PPM1F: variants seen among roughly 807,000 people sequenced by gnomAD.
The protein encoded by PPM1F is protein phosphatase 1F.
Under a neutral mutation model 35.5 loss-of-function variants are expected in PPM1F, and 17 were observed. That is an observed-to-expected ratio of 0.48 (90% CI 0.33 to 0.72). The LOEUF (loss-of-function observed/expected upper bound fraction) is 0.72. PPM1F is among the 30% of genes least tolerant of loss of function. The pLI, the probability that PPM1F is intolerant of heterozygous loss-of-function variation, is 0.02. For synonymous variants in PPM1F, 241 were observed against 255.5 expected, an observed-to-expected ratio of 0.94 and a Z score of 0.54; for missense variants, 521 against 613.0, an observed-to-expected ratio of 0.85 and a Z score of 1.59.
At chr22:21,941,764 T>C (rs2070727971) in intron 2 of PPM1F, 1 of 152,226 alleles carries the variant, frequency 6.6e-6, no homozygotes, top group Non-Finnish European at 1.5e-5. Flanking sequence ...GGAGGCGTAG[T>C]GGGTAGAAAG....
chr22:21,936,687 G>A (rs541700111), intron 3 of PPM1F: 1 of 152,312 alleles, frequency 6.6e-6, no homozygotes, highest in East Asian at 1.9e-4. Flanking sequence ...CAGCGCCACG[G>A]AGAGTCCACA....
Position 21,946,124 on chromosome 22 carries a change from A to C in PPM1F, c.-60-16T>G. On this transcript the variant is annotated splice_polypyrimidine_tract_variant and intron_variant, in intron 1 of 7. Transcript: ENST00000263212. ...AGGCTTCACCCTGGGGAGAAATGTC[A>C]GAGTCAGCAGAATCAGGGGGCCATG... 8 of 1,271,560 alleles carry C rather than the reference A, an allele frequency of 6.3e-6. No individual in the cohort carries two copies. The highest frequency in any genetic ancestry group is 8.5e-6 in the Non-Finnish European group (8 of 946,206). 78.8% of individuals were successfully genotyped at this position (1,271,560 alleles called of 1,614,324 possible).
At chr22:21,931,337 G>A in intron 5 of PPM1F, 46 bp from the exon 6 acceptor site, 1 of 1,575,942 alleles carries the variant, frequency 6.3e-7, no homozygotes, top group Non-Finnish European at 8.6e-7. Flanking sequence ...GGTAGGGAAG[G>A]GCAGAGGATG....
At chr22:21,937,448 G>A (rs1271133155) in intron 3 of PPM1F, among the ~76,000 whole-genome samples, 1 of 152,156 alleles carries the variant, frequency 6.6e-6, no homozygotes, top group Non-Finnish European at 1.5e-5. Flanking sequence ...TGAAGGAGGG[G>A]CCTGAGAACT....
chr22:21,938,120 G>A, intron 3 of PPM1F: 2 of 1,299,984 alleles, frequency 1.5e-6, no homozygotes, highest in Non-Finnish European at 2.0e-6. Context: ...CTTCCTTCTA[G>A]CTGCGCCCTC....
In PPM1F at chr22:21,920,255, G is replaced by A. The variant is rs1245284254; in HGVS notation, c.*2837C>T. 2 of 152,644 alleles carry A rather than the reference G, an allele frequency of 1.3e-5. No homozygotes were observed. Among genetic ancestry groups the A allele is most frequent in the Non-Finnish European group, 2.9e-5 (2 of 68,094 alleles). The allele number at this position is 152,644 out of a possible 1,614,324, so 9.5% of individuals were successfully genotyped here. A position where few individuals can be genotyped will look rare whatever the true frequency, so the allele number is the denominator to read the frequency against. ...CTCACCTGCACCCACAGCGTTCTAG[G>A]AGGTCGCGGCCTCTGCAGACTCAGT... On this transcript the variant is annotated 3_prime_UTR_variant, in exon 8 of 8. Transcript: ENST00000263212.
rs762934268 is a variant in PPM1F at position 21,933,558 on chromosome 22, A to G, written c.580T>C (p.Phe194Leu). 1 of 1,612,724 alleles carries G rather than the reference A, an allele frequency of 6.2e-7. No individual in the cohort carries two copies. Among genetic ancestry groups the G allele is most frequent in the Non-Finnish European group, 8.5e-7 (1 of 1,179,184 alleles). Residue 194 changes from phenylalanine to leucine, a missense_variant, in exon 5 of 8, where the codon TTT becomes CTT. Transcript: ENST00000263212. ...GLSDPVNRAY[F>L]AVFDGHGGVD... Reference sequence around the variant, plus strand: ...CCTCCGTGACCATCAAACACAGCAAAGTAGGCGCGGTTCACAGGGTCCTGG... The same window carrying G: ...CCTCCGTGACCATCAAACACAGCAAGGTAGGCGCGGTTCACAGGGTCCTGG...
Position 21,923,137 on chromosome 22 carries a change from G to T in PPM1F, c.1320C>A (p.Pro440=). The change falls in exon 8 of 8, where the codon CCC becomes CCA. Residue 440 remains proline, a synonymous_variant. Transcript: ENST00000263212. ...PQAEGRRQDL[P]SSLPEPETQA... Reference sequence around the variant, plus strand: ...GGGTCTCAGGTTCTGGAAGGCTGGAGGGCAAGTCCTGCCTCCTCCCTTCTG... The same window carrying T: ...GGGTCTCAGGTTCTGGAAGGCTGGATGGCAAGTCCTGCCTCCTCCCTTCTG... The T allele has an allele frequency of 6.2e-7, 1 of 1,613,314 alleles. No homozygotes were observed.
rs753786937 is a variant in PPM1F at position 21,923,141 on chromosome 22, A to G, written c.1316T>C (p.Leu439Ser). ...DPQAEGRRQD[L>S]PSSLPEPETQ... ...CTCAGGTTCTGGAAGGCTGGAGGGC[A>G]AGTCCTGCCTCCTCCCTTCTGCCTG... Residue 439 changes from leucine (L) to serine (S), a missense_variant, in exon 8 of 8, where the codon TTG becomes TCG. Around this residue, in one of 3 missense-constraint regions of PPM1F, gnomAD observed 163 missense variants for 169.6 expected, o/e 0.96. Transcript: ENST00000263212. 5 of 1,613,164 alleles carry G rather than the reference A, an allele frequency of 3.1e-6. No individual in the cohort carries two copies. In the African/African-American group the frequency reaches 5.3e-5, roughly 17 times the overall value.
At position 21,946,049 on chromosome 22, in the gene PPM1F, G is replaced by A; in HGVS notation, c.-1C>T. ...TCTTCTGTGGGGCTCCAGAGGACAT[G>A]CCCAAAGCATCCCGGGGGCCTGCAG... On this transcript the variant is annotated 5_prime_UTR_variant, in exon 2 of 8. Transcript: ENST00000263212. 6.6e-7 allele frequency: 1 copy of A among 1,516,070 alleles called. No individual in the cohort carries two copies. Among genetic ancestry groups the A allele is most frequent in the Non-Finnish European group, 8.9e-7 (1 of 1,129,272 alleles). 93.9% of individuals were successfully genotyped at this position (1,516,070 alleles called of 1,614,324 possible).
At position 21,920,369 on chromosome 22, in the gene PPM1F, A is replaced by G. The variant is rs2070433336; in HGVS notation, c.*2723T>C. ...AACAAGTGGAGAGCTGGGCTGGAGA[A>G]AGGATTACAATTTACAGACCAGTGT... On this transcript the variant is annotated 3_prime_UTR_variant, in exon 8 of 8. Transcript: ENST00000263212. 1 of 152,672 alleles carries G rather than the reference A, an allele frequency of 6.5e-6. No homozygotes were observed. Among genetic ancestry groups the G allele is most frequent in the South Asian group, 2.1e-4 (1 of 4,834 alleles). The allele number at this position is 152,672 out of a possible 1,614,324, so 9.5% of individuals were successfully genotyped here.
In PPM1F at chr22:21,933,423, C is replaced by T. The variant is rs780407448; in HGVS notation, c.715G>A (p.Asp239Asn). The T allele has an allele frequency of 9.9e-6, 16 of 1,612,112 alleles. No homozygotes were observed. Among genetic ancestry groups the T allele is most frequent in the Non-Finnish European group, 1.0e-5 (12 of 1,179,780 alleles). Residue 239 changes from aspartate (D) to asparagine (N), a missense_variant, in exon 5 of 8, where the codon GAC (aspartate) becomes AAC (asparagine). By Grantham distance (23) the Asp-to-Asn change is conservative (BLOSUM62 1). This residue lies in a region of PPM1F where 311 missense variants were observed against 351.5 expected (regional missense o/e 0.88). Transcript: ENST00000263212. ...TTGGCTTTCCTGAGAAACATCTGGT[C>T]GGTGCGCCGGAAGGCTTCTCTGAGG... is the stretch of plus-strand genomic sequence containing the variant. ...GALREAFRRT[D>N]QMFLRKAKRE...
At chr22:21,950,530 A>G (rs935084187) in intron 1 of PPM1F, 1 of 152,180 alleles carries the variant, frequency 6.6e-6, no homozygotes, top group Non-Finnish European at 1.5e-5. Context: ...TTAACTGCAG[A>G]ACCAAGGTAA....
chr22:21,945,229 T>G (rs2070764999), intron 2 of PPM1F: 1 of 152,420 alleles, frequency 6.6e-6, no homozygotes, highest in Non-Finnish European at 1.5e-5. Context: ...TTGGCTGGAG[T>G]GGCTCATGCC....
At chr22:21,938,535 T>C (rs1243170330) in intron 3 of PPM1F, 6 of 1,067,042 alleles carry the variant, frequency 5.6e-6, no homozygotes, top group East Asian at 1.0e-4. Flanking sequence ...TTGTTCCTTT[T>C]CCCCGGATGC....
intron 4 of PPM1F, 33 bp downstream of exon 4, chr22:21,933,991 A>G: frequency 6.6e-7 from 1 of 1,517,632 alleles, no homozygotes; most frequent in Non-Finnish European, 8.9e-7. Context: ...GGTCCTCCGA[A>G]GCTGTCCCCA....
At chr22:21,951,124 T>A (rs2070832396) in intron 1 of PPM1F, 1 of 152,282 alleles carries the variant, frequency 6.6e-6, no homozygotes, top group Non-Finnish European at 1.5e-5. Context: ...TGCTGTGCAA[T>A]GACCATTTCT....
intron 2 of PPM1F, chr22:21,940,954 A>C (rs1465602755): frequency 6.6e-6 from 1 of 152,296 alleles, no homozygotes; most frequent in African/African-American, 2.4e-5. Flanking sequence ...GCTGGAGCAC[A>C]GCTGTGCAAT....
At chr22:21,936,598 T>C (rs188800021) in intron 3 of PPM1F, 1,718 of 152,414 alleles carry the variant, frequency 0.011, 35 homozygotes, top group Non-Finnish European at 0.012. Flanking sequence ...AAAGAGGCCC[T>C]GCGCCTCCCG....
Sources: allele counts gnomAD v4.1 joint callset (sites outside exome capture counted in the v4.1 genomes callset), GRCh38; gene constraint gnomAD v4.1.1; regional missense constraint gnomAD v4.1.1; transcripts MANE v1.5; gene names NCBI Gene and HGNC (gene_info 2026-07-23, HGNC 2026-07-21).